Variants in GOLIM4 observed in about 807,000 individuals in gnomAD.
GOLIM4 encodes golgi integral membrane protein 4, also known as 130 kDa golgi-localized phosphoprotein.
GOLIM4 carries 71 observed loss-of-function variants against 107.4 expected under a neutral mutation model. The observed-to-expected ratio is 0.66, with a 90% CI of 0.55 to 0.81. GOLIM4 has a LOEUF of 0.81. Ranked by LOEUF, GOLIM4 falls within the 30% of genes least tolerant of loss-of-function variation. The probability of loss-of-function intolerance (pLI) is 0.00; values close to 1 mark genes in which losing one functional copy is unlikely to be tolerated. For synonymous variants in GOLIM4, 327 were observed against 294.8 expected (o/e 1.11, Z -1.12); for missense variants, 830 against 826.1 (o/e 1.00, Z -0.06).
chr3:168,037,100 A>G, intron 7 of GOLIM4, 106 bp from the exon 8 acceptor site: 1 of 514,710 alleles, frequency 1.9e-6, no homozygotes, highest in Non-Finnish European at 3.5e-6. Flanking sequence ...ACCTAAATAC[A>G]AGTTAGAAAA....
intron 1 of GOLIM4, among the ~76,000 whole-genome samples, chr3:168,065,656 C>T (rs1720512470): frequency 6.6e-6 from 1 of 152,144 alleles, no homozygotes. Context: ...ATTCACTTTT[C>T]CCATAATAAC....
At chr3:168,075,998 A>G (rs984463166) in intron 1 of GOLIM4, among the ~76,000 whole-genome samples, 1 of 152,166 alleles carries the variant, frequency 6.6e-6, no homozygotes, top group African/African-American at 2.4e-5. Context: ...ACACACACAA[A>G]CCTCACATTA....
chr3:168,085,693 A>G lies in GOLIM4; in HGVS notation c.187+9406T>C, dbSNP rs572583992. Among the ~76,000 whole-genome samples, 210 of 152,302 alleles carry G rather than the reference A, an allele frequency of 1.4e-3. 1 individual carries two copies. The highest frequency in any genetic ancestry group is 4.8e-3 in the African/African-American group (200 of 41,572). On this transcript the variant is annotated intron_variant, in intron 1 of 15. Coordinates refer to ENST00000470487, the MANE Select transcript of GOLIM4 (RefSeq NM_014498.5). The stretch of plus-strand genomic sequence containing the variant: ...AGGAAAGATGACTCAGAGTGGAACC[A>G]AGAAACCAAATGGTACAGTCAAGAG...
chr3:168,029,755 G>C (rs768515884), intron 10 of GOLIM4, 25 bp downstream of exon 10: 12 of 1,607,962 alleles, frequency 7.5e-6, no homozygotes, highest in Non-Finnish European at 8.5e-6. Flanking sequence ...GGCTGTCTTC[G>C]TTCATTAAGG....
chr3:168,044,595 C>T (rs771994548), intron 4 of GOLIM4, among the ~76,000 whole-genome samples: 8 of 152,182 alleles, frequency 5.3e-5, no homozygotes, highest in African/African-American at 9.6e-5. Flanking sequence ...TAACCGAGAG[C>T]CTGATTTGCA....
intron 1 of GOLIM4, among the ~76,000 whole-genome samples, chr3:168,076,345 T>TTTTG (rs1291987374): frequency 2.0e-5 from 3 of 152,328 alleles, no homozygotes; most frequent in African/African-American, 7.2e-5. Context: ...TTGTTCTGTT[T>TTTTG]TTTGTTTGTT....
In GOLIM4 at chr3:168,029,982, A is replaced by G; in HGVS notation, c.1231T>C (p.Leu411=). ...IKFQSPYEEQ[L]EQQRLAVQQV... ...TGCACTGCCAGTCTCTGCTGTTCCA[A>G]CTGTTCCTCATAGGGTGATTGGAAT... is the stretch of plus-strand genomic sequence containing the variant. The change falls in exon 10 of 16, where the codon TTG becomes CTG. Residue 411 remains leucine, a synonymous_variant. Transcript: ENST00000470487. 2 of 1,613,960 alleles carry G rather than the reference A, an allele frequency of 1.2e-6. No individual in the cohort carries two copies. The highest frequency in any genetic ancestry group is 1.1e-5 in the South Asian group (1 of 91,058).
Position 168,037,057 on chromosome 3 carries a change from TGG to T in GOLIM4, c.685-65_685-64del, listed in dbSNP as rs201362997. On this transcript the variant is annotated intron_variant, in intron 7 of 15. Coordinates refer to ENST00000470487, the MANE Select transcript of GOLIM4 (RefSeq NM_014498.5). ...GAATGCCCATTCATAGATGGGCATT[TGG>T]GTACACTGTAAAACTAGACAAAAAT... is the stretch of plus-strand genomic sequence containing the variant. The T allele has an allele frequency of 1.4e-3, 1,457 of 1,047,070 alleles. 1 individual carries two copies. Among genetic ancestry groups the T allele is most frequent in the Non-Finnish European group, 1.9e-3 (1,309 of 690,548 alleles). The allele number at this position is 1,047,070 out of a possible 1,614,324, so 64.9% of individuals were successfully genotyped here.
intron 1 of GOLIM4, among the ~76,000 whole-genome samples, chr3:168,054,995 G>A (rs774609200): frequency 2.0e-4 from 30 of 152,118 alleles, no homozygotes; most frequent in Non-Finnish European, 3.1e-4. Flanking sequence ...TTCACCTTCC[G>A]CCATGATTGT....
intron 4 of GOLIM4, 55 bp from the exon 5 acceptor site, chr3:168,043,584 C>A: frequency 7.0e-7 from 1 of 1,429,220 alleles, no homozygotes; most frequent in Non-Finnish European, 9.5e-7. Context: ...ATATGAGAGT[C>A]TATTTCTTGA....
chr3:168,031,876 G>T (rs1718355711), intron 9 of GOLIM4, among the ~76,000 whole-genome samples: 1 of 152,170 alleles, frequency 6.6e-6, no homozygotes, highest in African/African-American at 2.4e-5. Context: ...CTAACTGTTG[G>T]TTTAAAAGAA....
intron 1 of GOLIM4, among the ~76,000 whole-genome samples, chr3:168,049,786 C>A (rs761142982): frequency 8.5e-5 from 13 of 152,090 alleles, no homozygotes; most frequent in Non-Finnish European, 1.5e-5. Context: ...TTATGATGGC[C>A]AACAACCACC....
intron 1 of GOLIM4, among the ~76,000 whole-genome samples, chr3:168,062,962 T>C (rs936283979): frequency 7.2e-5 from 11 of 152,116 alleles, no homozygotes; most frequent in African/African-American, 2.4e-4. Context: ...TAATGCTTGA[T>C]AGAGTTATCA....
chr3:168,063,527 A>G (rs1455304885), intron 1 of GOLIM4, among the ~76,000 whole-genome samples: 1 of 152,042 alleles, frequency 6.6e-6, no homozygotes, highest in Non-Finnish European at 1.5e-5. Flanking sequence ...AATACATGTG[A>G]CTCTGAATAG....
chr3:168,063,068 G>A (rs751763033), intron 1 of GOLIM4, among the ~76,000 whole-genome samples: 10 of 152,198 alleles, frequency 6.6e-5, no homozygotes, highest in Non-Finnish European at 1.2e-4. Context: ...CCACCTGCAT[G>A]TCTAAGGCCT....
chr3:168,026,678 A>G (rs1718011594), intron 12 of GOLIM4, among the ~76,000 whole-genome samples: 1 of 152,162 alleles, frequency 6.6e-6, no homozygotes, highest in Admixed American at 6.5e-5. Flanking sequence ...TCTCTCCTGG[A>G]TAGTCTCTTG....
intron 1 of GOLIM4, among the ~76,000 whole-genome samples, chr3:168,070,503 G>T (rs926499471): frequency 2.6e-5 from 4 of 152,210 alleles, no homozygotes; most frequent in African/African-American, 9.7e-5. Context: ...CCTGAGATGG[G>T]TGTTCACACT....
rs373976754 is a variant in GOLIM4, at chr3:168,040,781, C to T, written c.684+5G>A. ...AGAACCCACAGAGGCTGCTACCCTT[C>T]TAACCTGTGCAGCAGCTAGTGCACT... On this transcript the variant is annotated splice_donor_5th_base_variant and intron_variant, in intron 7 of 15. Coordinates refer to ENST00000470487, the MANE Select transcript of GOLIM4 (RefSeq NM_014498.5). The T allele has an allele frequency of 1.3e-6, 2 of 1,592,890 alleles. No homozygotes were observed. The highest frequency in any genetic ancestry group is 1.7e-6 in the Non-Finnish European group (2 of 1,161,138).
intron 3 of GOLIM4, among the ~76,000 whole-genome samples, chr3:168,046,602 C>G (rs1719319332): frequency 6.6e-6 from 1 of 152,140 alleles, no homozygotes; most frequent in South Asian, 2.1e-4. Context: ...AACTCTAGGC[C>G]AGGTCCTGTG....
Sources: gnomAD v4.1 joint callset for allele counts (sites outside exome capture counted in the v4.1 genomes callset) on GRCh38, gnomAD v4.1.1 for gene constraint, MANE v1.5 for transcripts, NCBI Gene and HGNC (gene_info 2026-07-23, HGNC 2026-07-21) for gene names.